ZNF735: variants seen among roughly 807,000 people sequenced by gnomAD.
ZNF735 encodes the protein zinc finger protein 735, also known as putative zinc finger protein 735.
ZNF735 carries 11 observed loss-of-function variants against 13.4 expected under a neutral mutation model. The observed-to-expected ratio is 0.82, with a 90% CI of 0.52 to 1.36. The LOEUF (loss-of-function observed/expected upper bound fraction) is 1.36. ZNF735 is among the 40% of genes most tolerant of loss of function. The pLI is 0.00. For synonymous variants in ZNF735, 171 were observed against 162.6 expected (o/e 1.05, Z -0.39); for missense variants, 500 against 484.6 (o/e 1.03, Z -0.30).
chr7:64,214,888 T>C (rs66644749), intron 3 of ZNF735, among the ~76,000 whole-genome samples: 10,000 of 151,948 alleles, frequency 0.066, 526 homozygotes, highest in African/African-American at 0.14. Flanking sequence ...TAGTTGGTGT[T>C]TTAAAAAAAA....
intron 3 of ZNF735, among the ~76,000 whole-genome samples, chr7:64,214,596 A>G (rs934968690): frequency 8.6e-5 from 13 of 151,896 alleles, no homozygotes; most frequent in African/African-American, 2.9e-4. Context: ...TATAGTTTAA[A>G]GTTTTTTACA....
exon 4 of ZNF735, chr7:64,219,599 A>G (rs1395287709): frequency 6.3e-7 from 1 of 1,575,312 alleles, no homozygotes; most frequent in Non-Finnish European, 8.6e-7. Context: ...ACTGGAAAGA[A>G]ACATTTGAAA....
chr7:64,213,514 A>G (rs543824899), intron 2 of ZNF735, among the ~76,000 whole-genome samples: 28 of 152,326 alleles, frequency 1.8e-4, no homozygotes, highest in Middle Eastern at 3.4e-3. Context: ...TGTTTGATTC[A>G]GTAGTACTGA....
intron 1 of ZNF735, among the ~76,000 whole-genome samples, chr7:64,208,096 A>C (rs1787311007): frequency 6.6e-6 from 1 of 152,170 alleles, no homozygotes. Flanking sequence ...AGCAAACCAA[A>C]TGCAATAATT....
chr7:64,209,359 T>C (rs1379637681), intron 1 of ZNF735, among the ~76,000 whole-genome samples: 1 of 151,992 alleles, frequency 6.6e-6, no homozygotes, highest in African/African-American at 2.4e-5. Flanking sequence ...AACTTTTTTT[T>C]TTTTTTTGAG....
chr7:64,218,869 A>G (rs1292261552), intron 3 of ZNF735, among the ~76,000 whole-genome samples: 1 of 152,136 alleles, frequency 6.6e-6, no homozygotes, highest in Non-Finnish European at 1.5e-5. Context: ...TTTATTTTTC[A>G]GTTAAGACTT....
exon 4 of ZNF735, chr7:64,219,900 A>T (rs1319487167): frequency 1.2e-6 from 2 of 1,611,680 alleles, no homozygotes. Flanking sequence ...GCTCCTCAAC[A>T]CTTACTAACC....
At chr7:64,210,401 G>T (rs191731914) in intron 1 of ZNF735, among the ~76,000 whole-genome samples, 50 of 152,170 alleles carry the variant, frequency 3.3e-4, no homozygotes, top group African/African-American at 1.2e-3. Context: ...GCTTTCTCTC[G>T]CTAATGCTAA....
At chr7:64,217,589 A>G (rs1461160399) in intron 3 of ZNF735, among the ~76,000 whole-genome samples, 2 of 151,906 alleles carry the variant, frequency 1.3e-5, no homozygotes, top group Non-Finnish European at 2.9e-5. Context: ...TTTGCTTTAT[A>G]TATTTTGAAG....
Position 64,213,201 on chromosome 7 carries a change from G to A in ZNF735, c.149G>A (p.Arg50Lys), listed in dbSNP as rs780672907. The stretch of plus-strand genomic sequence containing the variant: ...AGAGATGTGATGTTAGAGAACTACA[G>A]AAACCTGTTCTCCCTGGGTGAGGTT... Residue 50 changes from arginine (R) to lysine (K), a missense_variant, in exon 2 of 4, where the codon AGA becomes AAA. Arg to Lys is a conservative substitution (Grantham distance 26, BLOSUM62 2). Coordinates refer to ENST00000429565, the Ensembl canonical transcript of ZNF735. 72 of 1,607,038 alleles carry A rather than the reference G, an allele frequency of 4.5e-5. No individual in the cohort carries two copies. In the Admixed American group the frequency reaches 1.2e-3, roughly 27 times the overall value.
At position 64,213,171 on chromosome 7, in the gene ZNF735, T is replaced by G; in HGVS notation, c.119T>G (p.Leu40Ter). ...TGCCTGGATCATGCTCAGCAGAATT[T>G]ATATAGAGATGTGATGTTAGAGAAC... is the stretch of plus-strand genomic sequence containing the variant. The change falls in exon 2 of 4, where the codon TTA becomes TGA. Residue 40 changes from leucine (L) to a stop codon, truncating the protein, a stop_gained. Transcript: ENST00000429565. LOFTEE classifies it high-confidence loss of function. 6.2e-7 allele frequency: 1 copy of G among 1,612,790 alleles called. No individual in the cohort carries two copies. The highest frequency in any genetic ancestry group is 8.5e-7 in the Non-Finnish European group (1 of 1,179,498).
rs753518901 is a variant in ZNF735 at position 64,213,077 on chromosome 7, CT to C, written c.40-4del. 10,780 of 1,084,438 alleles carry C rather than the reference CT, an allele frequency of 9.9e-3. No homozygotes were observed. Among genetic ancestry groups the C allele is most frequent in the Admixed American group, 0.022 (927 of 41,718 alleles). The allele number at this position is 1,084,438 out of a possible 1,614,324, so 67.2% of individuals were successfully genotyped here. On this transcript the variant is annotated splice_polypyrimidine_tract_variant and intron_variant, in intron 1 of 3. Coordinates refer to ENST00000429565, the Ensembl canonical transcript of ZNF735. ...GTAAGTGTGTGTTCATGAGGTTTTT[CT>C]TTTTTTTTTTCAGGGACTGTTGACA...
intron 1 of ZNF735, among the ~76,000 whole-genome samples, chr7:64,211,591 C>T (rs912641284): frequency 2.6e-5 from 4 of 151,952 alleles, no homozygotes; most frequent in Non-Finnish European, 4.4e-5. Context: ...AGGTCAGTCA[C>T]GGTGGCTCAG....
intron 1 of ZNF735, among the ~76,000 whole-genome samples, chr7:64,210,299 A>C (rs980709047): frequency 2.6e-5 from 4 of 152,144 alleles, no homozygotes; most frequent in African/African-American, 9.7e-5. Flanking sequence ...AAAATATAGC[A>C]TTTCAGCATG....
At chr7:64,213,042 C>A in intron 1 of ZNF735, 50 bp from the exon 2 acceptor site, 1 of 1,555,644 alleles carries the variant, frequency 6.4e-7, no homozygotes, top group Non-Finnish European at 8.7e-7. Context: ...TCTCTGCTTA[C>A]GGCCATATGG....
chr7:64,211,662 G>A (rs1787361431), intron 1 of ZNF735, among the ~76,000 whole-genome samples: 3 of 151,688 alleles, frequency 2.0e-5, no homozygotes, highest in South Asian at 2.1e-4. Flanking sequence ...TCAGGAGTTC[G>A]AGGCCCGCCT....
chr7:64,212,076 AGAGTT>A (rs1370053967), intron 1 of ZNF735, among the ~76,000 whole-genome samples: 1 of 152,104 alleles, frequency 6.6e-6, no homozygotes, highest in Non-Finnish European at 1.5e-5. Flanking sequence ...TTTCCACGAT[AGAGTT>A]AATTATTATT....
intron 3 of ZNF735, among the ~76,000 whole-genome samples, chr7:64,218,211 A>AT: frequency 6.8e-6 from 1 of 146,814 alleles, no homozygotes. Context: ...CACTGTGAAG[A>AT]TTTTTTTTCA....
intron 1 of ZNF735, 74 bp downstream of exon 1, chr7:64,207,315 A>G: frequency 6.2e-7 from 1 of 1,613,750 alleles, no homozygotes; most frequent in Middle Eastern, 1.7e-4. Context: ...CTGCAGCAGG[A>G]CCCATACTTC....
Sources: gnomAD v4.1 joint callset for allele counts (sites outside exome capture counted in the v4.1 genomes callset) on GRCh38, gnomAD v4.1.1 for gene constraint, MANE v1.5 for transcripts, NCBI Gene and HGNC (gene_info 2026-07-23, HGNC 2026-07-21) for gene names.